PARD3B: variants seen among roughly 807,000 people sequenced by gnomAD.
PARD3B encodes partitioning defective 3 homolog B.
A neutral mutation model predicts 130.2 loss-of-function variants in PARD3B; 103 were observed. The ratio of observed to expected loss-of-function variants is 0.79; its 90% confidence interval spans 0.67 to 0.93. The LOEUF (loss-of-function observed/expected upper bound fraction) is 0.93. PARD3B is among the 40% of genes least tolerant of loss of function. The pLI is 0.00. For missense variants in PARD3B, 1,609 were observed against 1,499.2 expected (o/e 1.07, Z -1.21); for synonymous variants, 583 against 553.2 (o/e 1.05, Z -0.76).
Position 205,241,919 on chromosome 2 carries a change from G to A in PARD3B, c.2141-3859G>A, listed in dbSNP as rs1048881877. ...TAAGTTAATGTGAGTTATAAAGGAA[G>A]TTGGTATTAATTATAACACTTGCCA... is the stretch of plus-strand genomic sequence containing the variant. On this transcript the variant is annotated intron_variant, in intron 15 of 22. Transcript: ENST00000406610. This position sits in a 1 kb window ranked among gnomAD's most constrained non-coding sequence, Gnocchi z 4.2. 7.2e-5 allele frequency among the ~76,000 whole-genome samples: 11 copies of A among 152,076 alleles called. No homozygotes were observed. Among genetic ancestry groups the A allele is most frequent in the African/African-American group, 2.7e-4 (11 of 41,402 alleles).
intron 2 of PARD3B, among the ~76,000 whole-genome samples, chr2:204,826,127 A>G (rs1007239012): frequency 6.6e-6 from 1 of 152,152 alleles, no homozygotes; most frequent in African/African-American, 2.4e-5. Context: ...AGCCTCTGAA[A>G]TTACCTTTAC....
intron 2 of PARD3B, among the ~76,000 whole-genome samples, chr2:204,894,488 GC>G (rs1559235933): frequency 1.3e-5 from 2 of 150,610 alleles, no homozygotes; most frequent in African/African-American, 4.9e-5. Flanking sequence ...AAACATCCAT[GC>G]CCCAGCTTCC....
intron 2 of PARD3B, among the ~76,000 whole-genome samples, chr2:204,870,591 C>G (rs1333122001): frequency 6.6e-6 from 1 of 152,108 alleles, no homozygotes; most frequent in Non-Finnish European, 1.5e-5. Context: ...GTCATCTGAT[C>G]ACTTTGCTAA....
At position 205,107,191 on chromosome 2, in the gene PARD3B, C is replaced by T. The variant is rs188507319; in HGVS notation, c.593+2677C>T. On this transcript the variant is annotated intron_variant, in intron 5 of 22. Transcript: ENST00000406610. ...CCATTATAATAACCTACTAACTTCT[C>T]TGTCAAATGTCAGTTTCCCCTTATT... Among the ~76,000 whole-genome samples, 14 of 152,346 alleles carry T rather than the reference C, an allele frequency of 9.2e-5. No homozygotes were observed. In the East Asian group the frequency reaches 2.3e-3, roughly 25 times the overall value.
chr2:205,409,473 C>A (rs574929921), intron 19 of PARD3B, among the ~76,000 whole-genome samples: 9 of 152,050 alleles, frequency 5.9e-5, no homozygotes, highest in African/African-American at 1.9e-4. Flanking sequence ...GAAATGCTTG[C>A]GGTCACCAAC....
At chr2:204,862,028 T>G (rs75714440) in intron 2 of PARD3B, among the ~76,000 whole-genome samples, 1 of 149,394 alleles carries the variant, frequency 6.7e-6, no homozygotes, top group Non-Finnish European at 1.5e-5. Context: ...AAACTTTCAC[T>G]CCATGTTTAT....
At chr2:205,262,899 G>T (rs973234558) in intron 16 of PARD3B, among the ~76,000 whole-genome samples, 1 of 152,042 alleles carries the variant, frequency 6.6e-6, no homozygotes, top group African/African-American at 2.4e-5. Context: ...TTCTGGATAT[G>T]AATACATATT....
chr2:204,562,832 T>C (rs73984230), intron 1 of PARD3B, among the ~76,000 whole-genome samples: 1 of 127,476 alleles, frequency 7.8e-6, no homozygotes, highest in African/African-American at 3.4e-5. Context: ...ATAAAAAAAA[T>C]TTTTTTTTTT....
intron 18 of PARD3B, among the ~76,000 whole-genome samples, chr2:205,384,766 A>G (rs1270719307): frequency 6.6e-6 from 1 of 152,124 alleles, no homozygotes; most frequent in East Asian, 1.9e-4. Flanking sequence ...ATGTATACAC[A>G]TTTCCTGGGA....
intron 19 of PARD3B, among the ~76,000 whole-genome samples, chr2:205,426,401 A>G (rs2047148185): frequency 6.6e-6 from 1 of 152,210 alleles, no homozygotes; most frequent in Non-Finnish European, 1.5e-5. Flanking sequence ...TAGTGACCTA[A>G]TTGTAGCTTC....
chr2:205,131,898 C>G (rs1202193642), intron 10 of PARD3B, among the ~76,000 whole-genome samples: 1 of 151,992 alleles, frequency 6.6e-6, no homozygotes. Context: ...CTAGAGGGTA[C>G]CAGTAAGGAG....
intron 21 of PARD3B, among the ~76,000 whole-genome samples, chr2:205,529,416 A>G (rs2051481249): frequency 6.6e-6 from 1 of 152,210 alleles, no homozygotes; most frequent in African/African-American, 2.4e-5. Flanking sequence ...ATCTTACAGC[A>G]GGTCTTTGCC....
intron 15 of PARD3B, among the ~76,000 whole-genome samples, chr2:205,211,168 G>A (rs570645774): frequency 2.0e-5 from 3 of 152,158 alleles, no homozygotes; most frequent in Admixed American, 2.0e-4. Flanking sequence ...AACCCCAGAA[G>A]CCAATATACT....
intron 18 of PARD3B, among the ~76,000 whole-genome samples, chr2:205,368,054 G>A (rs570150835): frequency 6.6e-6 from 1 of 152,178 alleles, no homozygotes; most frequent in Non-Finnish European, 1.5e-5. Context: ...CCACAGTAAG[G>A]GTGATACGTC....
chr2:205,284,642 G>A (rs925722368), intron 16 of PARD3B, among the ~76,000 whole-genome samples: 3 of 152,112 alleles, frequency 2.0e-5, no homozygotes, highest in African/African-American at 7.2e-5. Context: ...CTCTGAAACT[G>A]TTAATGGTAT....
chr2:204,598,236 A>T (rs975008027), intron 1 of PARD3B, among the ~76,000 whole-genome samples: 2 of 152,156 alleles, frequency 1.3e-5, no homozygotes, highest in African/African-American at 4.8e-5. Context: ...TGTGAATTTA[A>T]AAAAAGCAAA....
chr2:205,400,057 G>A (rs151156956), intron 18 of PARD3B, among the ~76,000 whole-genome samples: 8 of 152,248 alleles, frequency 5.3e-5, no homozygotes, highest in Non-Finnish European at 1.0e-4. Flanking sequence ...GCCTCTCGTG[G>A]CACTGTCATG....
In PARD3B at chr2:204,838,976, A is replaced by G. The variant is rs140314455; in HGVS notation, c.223-126176A>G. On this transcript the variant is annotated intron_variant, in intron 2 of 22. Transcript: ENST00000406610. ...ATCCTCTGTTCACTATGTGTAGATC[A>G]TAAGTTGAGGAAAGAGATTTTAACC... Among the ~76,000 whole-genome samples, 11 of 108,498 alleles carry G rather than the reference A, an allele frequency of 1.0e-4. No homozygotes were observed. The East Asian group carries it at 3.0e-3, about 30-fold the overall frequency. The allele number at this position is 108,498 out of a possible 152,430, so 71.2% of individuals were successfully genotyped here.
At chr2:205,148,096 A>G (rs2033495077) in intron 10 of PARD3B, among the ~76,000 whole-genome samples, 1 of 152,062 alleles carries the variant, frequency 6.6e-6, no homozygotes, top group South Asian at 2.1e-4. Flanking sequence ...TTTGCCCTCT[A>G]GACTATATAG....
Sources: gnomAD v4.1 joint callset for allele counts (sites outside exome capture counted in the v4.1 genomes callset) on GRCh38, gnomAD v4.1.1 for gene constraint, Gnocchi (gnomAD v3.1) non-coding constraint, MANE v1.5 for transcripts, NCBI Gene and HGNC (gene_info 2026-07-23, HGNC 2026-07-21) for gene names.